The following E2F7 variants were observed in gnomAD, a reference collection of about 807,000 sequenced individuals.
E2F7 encodes E2F transcription factor 7, also known as transcription factor E2F7.
Under a neutral mutation model 81.1 loss-of-function variants are expected in E2F7, and 35 were observed. That is an observed-to-expected ratio of 0.43 (90% CI 0.33 to 0.57). E2F7 has a LOEUF of 0.57. E2F7 is among the 20% of genes least tolerant of loss of function. The pLI, the probability that E2F7 is intolerant of heterozygous loss-of-function variation, is 0.04. For missense variants in E2F7, 961 were observed against 1,093.7 expected (o/e 0.88, Z 1.71); for synonymous variants, 416 against 416.2 (o/e 1.00, Z 0.01).
At chr12:77,055,038 A>G (rs1488171027) in intron 3 of E2F7, among the ~76,000 whole-genome samples, 3 of 152,178 alleles carry the variant, frequency 2.0e-5, no homozygotes, top group Non-Finnish European at 4.4e-5. Context: ...ACTTAAAAAA[A>G]GGAATTGTGA....
rs1347298919 is a variant in E2F7 at position 77,025,970 on chromosome 12, A to T, written c.2153T>A (p.Phe718Tyr). The change falls in exon 12 of 13, where the codon TTC (phenylalanine) becomes TAC (tyrosine). Residue 718 changes from phenylalanine to tyrosine, a missense_variant. Transcript: ENST00000322886. ...CVQSPAGLNG[F>Y]NVLLSGSQTP... ...TTGACTGCCAGATAAAAGTACATTG[A>T]AACCATTTAATCCTGAAAGAAAAGC... 3 of 1,609,270 alleles carry T rather than the reference A, an allele frequency of 1.9e-6. No homozygotes were observed. The highest frequency in any genetic ancestry group is 1.3e-5 in the African/African-American group (1 of 74,606).
chr12:77,056,044 A>G lies in E2F7; in HGVS notation c.180T>C (p.Phe60=). ...GAGTAATGGGATTTCTTTCTGGAGT[A>G]AATTTTTTTTGCTTCGATAAATCAA... is the stretch of plus-strand genomic sequence containing the variant. ...EPIDLSKQKK[F]TPERNPITPV... is the part of the protein sequence containing the mutation. Residue 60 remains phenylalanine, a synonymous_variant, in exon 3 of 13, where the codon TTT becomes TTC. Transcript: ENST00000322886. 2 of 1,613,646 alleles carry G rather than the reference A, an allele frequency of 1.2e-6. No homozygotes were observed. The highest frequency in any genetic ancestry group is 1.7e-6 in the Non-Finnish European group (2 of 1,179,754).
intron 7 of E2F7, among the ~76,000 whole-genome samples, chr12:77,039,075 C>T (rs756037892): frequency 3.9e-5 from 6 of 152,090 alleles, no homozygotes; most frequent in African/African-American, 7.2e-5. Context: ...ACATATATGT[C>T]GTCAATTTGT....
chr12:77,060,969 T>C (rs921683488), intron 2 of E2F7, among the ~76,000 whole-genome samples: 4 of 152,182 alleles, frequency 2.6e-5, no homozygotes, highest in South Asian at 2.1e-4. Context: ...CTGTTGACTA[T>C]TCTTTGTTCT....
chr12:77,032,867 A>T (rs898350777), intron 9 of E2F7, among the ~76,000 whole-genome samples, 183 bp downstream of exon 9: 1 of 152,154 alleles, frequency 6.6e-6, no homozygotes, highest in Admixed American at 6.5e-5. Context: ...TACATTTTTC[A>T]TACTTTTGTA....
At chr12:77,061,246 T>C (rs1955076297) in intron 2 of E2F7, among the ~76,000 whole-genome samples, 1 of 152,222 alleles carries the variant, frequency 6.6e-6, no homozygotes. Flanking sequence ...CCTGCTGCTT[T>C]CTGCACATAT....
chr12:77,024,803 T>A (rs2120605868), intron 12 of E2F7, among the ~76,000 whole-genome samples: 1 of 152,354 alleles, frequency 6.6e-6, no homozygotes, highest in Admixed American at 6.5e-5. Flanking sequence ...CCTAACATGT[T>A]CATTTCAATG....
At position 77,062,996 on chromosome 12, in the gene E2F7, A is replaced by G. The variant is rs1322612447; in HGVS notation, c.93+1547T>C. ...ATCACATGGAAAATTCCAGAAATAAACAATTCATGAGTTTTAGATTGTGTG... is the reference window on the plus strand; with the variant it reads ...ATCACATGGAAAATTCCAGAAATAAGCAATTCATGAGTTTTAGATTGTGTG... On this transcript the variant is annotated intron_variant, in intron 2 of 12. Coordinates refer to ENST00000322886, the MANE Select transcript of E2F7 (RefSeq NM_203394.3). Among the ~76,000 whole-genome samples, 5 of 152,284 alleles carry G rather than the reference A, an allele frequency of 3.3e-5. No homozygotes were observed. The East Asian group carries it at 7.7e-4, about 24-fold the overall frequency.
chr12:77,051,689 G>T (rs903344368), intron 3 of E2F7, among the ~76,000 whole-genome samples: 6 of 152,080 alleles, frequency 3.9e-5, no homozygotes, highest in Non-Finnish European at 7.3e-5. Context: ...TCAATGAAAG[G>T]TATTCATGAA....
chr12:77,025,473 G>C, intron 12 of E2F7, 85 bp downstream of exon 12: 1 of 1,484,310 alleles, frequency 6.7e-7, no homozygotes, highest in Non-Finnish European at 9.2e-7. Flanking sequence ...GCCTCTGTCC[G>C]GCAGTCATGT....
In E2F7 at chr12:77,029,951, A is replaced by G. The variant is rs764043153; in HGVS notation, c.1764T>C (p.Ser588=). 6 of 1,614,104 alleles carry G rather than the reference A, an allele frequency of 3.7e-6. No homozygotes were observed. The highest frequency in any genetic ancestry group is 5.1e-6 in the Non-Finnish European group (6 of 1,180,054). Residue 588 remains serine, a synonymous_variant, in exon 10 of 13, where the codon TCT becomes TCC. Coordinates refer to ENST00000322886, the MANE Select transcript of E2F7 (RefSeq NM_203394.3). ...AGAGGCGCTTCTGAGCTGAGGGTGC[A>G]GATGACAGCTCTACTGTGGCTGGGG... ...SEAPATVELS[S]APSAQKRLCE...
intron 7 of E2F7, among the ~76,000 whole-genome samples, chr12:77,039,456 C>T (rs999651268): frequency 3.3e-5 from 5 of 152,128 alleles, no homozygotes; most frequent in Non-Finnish European, 5.9e-5. Context: ...ATACAACTCT[C>T]ACAATTCAGT....
chr12:77,047,211 A>G (rs1196291039), intron 4 of E2F7, among the ~76,000 whole-genome samples: 1 of 152,252 alleles, frequency 6.6e-6, no homozygotes, highest in African/African-American at 2.4e-5. Flanking sequence ...CTCTTGGGTC[A>G]GACTGCCTAC....
At chr12:77,050,512 C>A in intron 4 of E2F7, 64 bp downstream of exon 4, 1 of 1,575,578 alleles carries the variant, frequency 6.3e-7, no homozygotes, top group Non-Finnish European at 8.7e-7. Context: ...CTTCAGCCTG[C>A]CCAAGGAAAC....
In E2F7 at chr12:77,025,884, C is replaced by T. The variant is rs1954753975; in HGVS notation, c.2239G>A (p.Val747Ile). ...GGGCCCAGAGGTGGAGATGGTAAGA[C>T]CATGCAAGGGACACTGAAAGACGGC... Reference protein sequence around the residue: ...QLPSFSVPCMVLPSPPLGPFP... With the variant: ...QLPSFSVPCMILPSPPLGPFP... Residue 747 changes from valine (V) to isoleucine (I), a missense_variant, in exon 12 of 13, where the codon GTC becomes ATC. Physicochemically the swap from Val to Ile is conservative, Grantham distance 29. Transcript: ENST00000322886. The T allele has an allele frequency of 6.2e-7, 1 of 1,613,964 alleles. No homozygotes were observed. The highest frequency in any genetic ancestry group is 1.3e-5 in the African/African-American group (1 of 74,896).
intron 2 of E2F7, 98 bp downstream of exon 2, chr12:77,064,445 G>A: frequency 1.0e-6 from 1 of 956,124 alleles, no homozygotes; most frequent in Non-Finnish European, 1.6e-6. Flanking sequence ...TAATTATTAT[G>A]CTTAAATACA....
chr12:77,024,530 G>A (rs1389343000), intron 12 of E2F7, among the ~76,000 whole-genome samples: 1 of 152,172 alleles, frequency 6.6e-6, no homozygotes, highest in South Asian at 2.1e-4. Flanking sequence ...ACTTCACAAG[G>A]TTGTAGGAAT....
intron 4 of E2F7, among the ~76,000 whole-genome samples, chr12:77,049,785 T>C (rs564588444): frequency 6.6e-6 from 1 of 152,342 alleles, no homozygotes; most frequent in East Asian, 1.9e-4. Flanking sequence ...CTAAAAATTA[T>C]AATCTATCAT....
chr12:77,034,461 C>G (rs968548904), intron 7 of E2F7, among the ~76,000 whole-genome samples: 3 of 152,164 alleles, frequency 2.0e-5, no homozygotes, highest in Admixed American at 6.5e-5. Context: ...GCTTCCTATG[C>G]CACAGACCTA....
Sources: gnomAD v4.1 joint callset for allele counts (sites outside exome capture counted in the v4.1 genomes callset) on GRCh38, gnomAD v4.1.1 for gene constraint, MANE v1.5 for transcripts, NCBI Gene and HGNC (gene_info 2026-07-23, HGNC 2026-07-21) for gene names.